Variants in BRWD1 observed in about 807,000 individuals in gnomAD.
The protein encoded by BRWD1 is bromodomain and WD repeat-containing protein 1.
A neutral mutation model predicts 251.2 loss-of-function variants in BRWD1; 82 were observed. That is an observed-to-expected ratio of 0.33 (90% confidence interval 0.27 to 0.39). The LOEUF (loss-of-function observed/expected upper bound fraction) is 0.39. BRWD1 is among the 10% of genes least tolerant of loss of function. The pLI is 1.00. For synonymous variants in BRWD1, 918 were observed against 902.8 expected, an observed-to-expected ratio of 1.02 and a Z score of -0.30; for missense variants, 2,233 against 2,711.6, an observed-to-expected ratio of 0.82 and a Z score of 3.92.
chr21:39,198,816 G>A lies in BRWD1; in HGVS notation c.5600C>T (p.Thr1867Ile). 6.2e-7 allele frequency: 1 copy of A among 1,606,534 alleles called. No individual in the cohort carries two copies. Among genetic ancestry groups the A allele is most frequent in the Non-Finnish European group, 8.5e-7 (1 of 1,177,854 alleles). The change falls in exon 40 of 41, where the codon ACT becomes ATT. Residue 1867 changes from threonine to isoleucine, a missense_variant. Coordinates refer to ENST00000342449, the MANE Select transcript of BRWD1 (RefSeq NM_033656.4). ...TTTGTCATCATCTGAATCTAAATCA[G>A]TTTCACATCCATGATCTGAGGAACA... Reference protein sequence around the residue: ...SQCSSDHGCETDLDSDDDKIE... With the variant: ...SQCSSDHGCEIDLDSDDDKIE...
At chr21:39,230,454 A>C (rs754302609) in intron 25 of BRWD1, among the ~76,000 whole-genome samples, 2 of 152,252 alleles carry the variant, frequency 1.3e-5, no homozygotes, top group Non-Finnish European at 2.9e-5. Flanking sequence ...AAAATACTAA[A>C]TCAGTGCTAT....
At chr21:39,265,847 C>T (rs2034902169) in intron 15 of BRWD1, among the ~76,000 whole-genome samples, 1 of 152,236 alleles carries the variant, frequency 6.6e-6, no homozygotes, top group South Asian at 2.1e-4. Context: ...GCAGCCACAA[C>T]TACCCTAACA....
chr21:39,253,931 C>T (rs1046996817), intron 19 of BRWD1, among the ~76,000 whole-genome samples: 1 of 152,336 alleles, frequency 6.6e-6, no homozygotes, highest in Middle Eastern at 3.4e-3. Flanking sequence ...AATATCATTT[C>T]TACACTTGAT....
chr21:39,200,780 GT>G (rs1325604323), intron 38 of BRWD1, among the ~76,000 whole-genome samples: 2 of 152,150 alleles, frequency 1.3e-5, no homozygotes, highest in South Asian at 4.2e-4. Flanking sequence ...GAGGCCAGGA[GT>G]TCAAAACTAG....
rs1266930416 is a variant in BRWD1 at position 39,218,144 on chromosome 21, C to A, written c.3659+8G>T. 6 of 1,598,440 alleles carry A rather than the reference C, an allele frequency of 3.8e-6. No individual in the cohort carries two copies. The highest frequency in any genetic ancestry group is 5.1e-6 in the Non-Finnish European group (6 of 1,175,644). The stretch of plus-strand genomic sequence containing the variant: ...TTTTAAACATTTTGAAAGCAGGTTT[C>A]TACTAACCTGTAAAATCGATTAACA... On this transcript the variant is annotated splice_region_variant and intron_variant, in intron 31 of 40. Transcript: ENST00000342449.
At chr21:39,293,198 G>A (rs2035864525) in intron 8 of BRWD1, among the ~76,000 whole-genome samples, 1 of 152,062 alleles carries the variant, frequency 6.6e-6, no homozygotes, top group Non-Finnish European at 1.5e-5. Flanking sequence ...AAATATTTTG[G>A]TAAATTAAAT....
intron 29 of BRWD1, 97 bp from the exon 30 acceptor site, chr21:39,218,757 G>A (rs558634516): frequency 7.2e-6 from 7 of 972,832 alleles, no homozygotes; most frequent in Admixed American, 3.6e-5. Context: ...ATAAAACTAG[G>A]TTATCTCCAC....
At chr21:39,198,652 A>G in intron 40 of BRWD1, 111 bp downstream of exon 40, 1 of 878,134 alleles carries the variant, frequency 1.1e-6, no homozygotes, top group Admixed American at 3.0e-5. Flanking sequence ...GAGAAACAGC[A>G]AAGAGAAAAA....
In BRWD1 at chr21:39,203,438, C is replaced by CTTTTTT. The variant is rs71330353; in HGVS notation, c.4365-899_4365-894dup. On this transcript the variant is annotated intron_variant, in intron 37 of 40. Coordinates refer to ENST00000342449, the MANE Select transcript of BRWD1 (RefSeq NM_033656.4). ...TGGGCAACAGAGCAAGACCCTGGTT[C>CTTTTTT]TTTTTTTTTTTTTTTTTTTTTTTTG... Among the ~76,000 whole-genome samples, 187 of 67,672 alleles carry CTTTTTT rather than the reference C, an allele frequency of 2.8e-3. 10 individuals carry two copies. The highest frequency in any genetic ancestry group is 5.7e-3 in the African/African-American group (110 of 19,278). The allele number at this position is 67,672 out of a possible 152,430, so 44.4% of individuals were successfully genotyped here. A position where few individuals can be genotyped will look rare whatever the true frequency, so the allele number is the denominator to read the frequency against.
At chr21:39,292,052 C>T (rs995849345) in intron 8 of BRWD1, among the ~76,000 whole-genome samples, 1 of 148,342 alleles carries the variant, frequency 6.7e-6, no homozygotes, top group Non-Finnish European at 1.5e-5. Context: ...CTCAAGCAAT[C>T]CTCCCTCAAC....
At chr21:39,293,576 A>G (rs2035875319) in intron 8 of BRWD1, among the ~76,000 whole-genome samples, 1 of 152,128 alleles carries the variant, frequency 6.6e-6, no homozygotes, top group African/African-American at 2.4e-5. Context: ...TCTAATTGAC[A>G]CTCATCCAGT....
At chr21:39,305,455 A>G (rs1314175144) in intron 4 of BRWD1, among the ~76,000 whole-genome samples, 1 of 152,192 alleles carries the variant, frequency 6.6e-6, no homozygotes. Flanking sequence ...AGCCAGGCAC[A>G]GTAGTTCACA....
upstream of BRWD1, among the ~76,000 whole-genome samples, chr21:39,318,785 ATT>A (rs1374662431): frequency 6.6e-6 from 1 of 151,866 alleles, no homozygotes; most frequent in African/African-American, 2.4e-5. Context: ...TGCCTGGCTA[ATT>A]TTTTACTGTT....
chr21:39,314,153 G>C (rs962150481), upstream of BRWD1: 3 of 455,846 alleles, frequency 6.6e-6, no homozygotes, highest in African/African-American at 6.0e-5. Context: ...TCGAGGACAG[G>C]AAAGCTTTTA....
At position 39,187,233 on chromosome 21, in the gene BRWD1, G is replaced by A; in HGVS notation, c.*9026C>T. 6.2e-7 allele frequency: 1 copy of A among 1,613,596 alleles called. No homozygotes were observed. Among genetic ancestry groups the A allele is most frequent in the Non-Finnish European group, 8.5e-7 (1 of 1,179,850 alleles). On this transcript the variant is annotated 3_prime_UTR_variant, in exon 41 of 41. Transcript: ENST00000342449. ...TAATCCAGACATTTTCTGGTCCTGA[G>A]ATCGTTTCTTTTAGATTACTCATTA...
In BRWD1 at chr21:39,195,478, A is replaced by T. The variant is rs994066010; in HGVS notation, c.*781T>A. 4 of 985,480 alleles carry T rather than the reference A, an allele frequency of 4.1e-6. No individual in the cohort carries two copies. In the African/African-American group the frequency reaches 7.0e-5, roughly 17 times the overall value. The allele number at this position is 985,480 out of a possible 1,614,324, so 61.0% of individuals were successfully genotyped here. A position where few individuals can be genotyped will look rare whatever the true frequency, so the allele number is the denominator to read the frequency against. ...TGGAAACCAGGAGATCTTGGACAGA[A>T]GACAGATTATATAGCATTTTGTTAG... On this transcript the variant is annotated 3_prime_UTR_variant, in exon 41 of 41. Coordinates refer to ENST00000342449, the MANE Select transcript of BRWD1 (RefSeq NM_033656.4).
Position 39,224,485 on chromosome 21 carries a change from A to G in BRWD1, c.3321-16T>C. On this transcript the variant is annotated splice_polypyrimidine_tract_variant and intron_variant, in intron 28 of 40. Transcript: ENST00000342449. ...ATTATCCCACCTGTTAAAAAACAAC[A>G]AATCTCTGGTTAGCCTTTCATAAAA... The G allele has an allele frequency of 6.3e-7, 1 of 1,577,534 alleles. No individual in the cohort carries two copies. The highest frequency in any genetic ancestry group is 8.6e-7 in the Non-Finnish European group (1 of 1,158,018).
At chr21:39,244,353 T>A (rs1014944116) in intron 21 of BRWD1, among the ~76,000 whole-genome samples, 1 of 152,164 alleles carries the variant, frequency 6.6e-6, no homozygotes, top group African/African-American at 2.4e-5. Context: ...CATGAGCCAC[T>A]GCACCCGGCC....
intron 36 of BRWD1, 36 bp downstream of exon 36, chr21:39,209,959 A>G (rs1431340433): frequency 5.0e-6 from 8 of 1,597,180 alleles, no homozygotes; most frequent in African/African-American, 1.3e-5. Context: ...TACACAGATC[A>G]GGCAGTTTTT....
Sources: allele counts gnomAD v4.1 joint callset (sites outside exome capture counted in the v4.1 genomes callset), GRCh38; gene constraint gnomAD v4.1.1; transcripts MANE v1.5; gene names NCBI Gene and HGNC (gene_info 2026-07-23, HGNC 2026-07-21).